SCLY: variants seen among roughly 807,000 people sequenced by gnomAD.
The protein encoded by SCLY is selenocysteine lyase, also known as putative selenocysteine lyase.
Under a neutral mutation model 50.1 loss-of-function variants are expected in SCLY, and 38 were observed. That is an observed-to-expected ratio of 0.76 (90% CI 0.59 to 0.99). The LOEUF (loss-of-function observed/expected upper bound fraction) is 0.99. Among genes scored for constraint, SCLY ranks in the 50% least tolerant of loss-of-function variants. SCLY has a pLI of 0.00. For missense variants in SCLY, 600 were observed against 620.0 expected, an observed-to-expected ratio of 0.97 and a Z score of 0.34; for synonymous variants, 243 against 249.4, an observed-to-expected ratio of 0.97 and a Z score of 0.24.
At position 238,064,592 on chromosome 2, in the gene SCLY, T is replaced by G. The variant is rs1043733002; in HGVS notation, c.202+123T>G. 23 of 541,356 alleles carry G rather than the reference T, an allele frequency of 4.2e-5. No homozygotes were observed. In the Admixed American group the frequency reaches 4.4e-4, roughly 10 times the overall value. 33.5% of individuals were successfully genotyped at this position (541,356 alleles called of 1,614,324 possible). A position where few individuals can be genotyped will look rare whatever the true frequency, so the allele number is the denominator to read the frequency against. ...ATAGGTTTCTGTTAGCTGCAATTCT[T>G]GAGCTGTAATTTTTGATAGTTTCTT... On this transcript the variant is annotated intron_variant, in intron 2 of 11. Transcript: ENST00000254663.
chr2:238,073,354 A>G (rs989590962), intron 4 of SCLY, among the ~76,000 whole-genome samples: 4 of 152,214 alleles, frequency 2.6e-5, no homozygotes, highest in African/African-American at 7.2e-5. Context: ...TTGACATCTC[A>G]AAAGAATTTT....
At chr2:238,096,483 C>T (rs777049711) in intron 10 of SCLY, among the ~76,000 whole-genome samples, 3 of 152,220 alleles carry the variant, frequency 2.0e-5, no homozygotes, top group East Asian at 3.8e-4. Context: ...GTGATATTGC[C>T]GGGGCTGCCA....
In SCLY at chr2:238,066,220, T is replaced by C. The variant is rs1173119894; in HGVS notation, c.202+1751T>C. Among the ~76,000 whole-genome samples the C allele has an allele frequency of 3.7e-4, 57 of 152,356 alleles. No homozygotes were observed. The highest frequency in any genetic ancestry group is 8.8e-5 in the Non-Finnish European group (6 of 68,034). ...CTCTTTACTGCCTGTTGCTGGAAGATAGCTGGCGCTCATACCTCCCCGTCC... is the reference window on the plus strand; with the variant it reads ...CTCTTTACTGCCTGTTGCTGGAAGACAGCTGGCGCTCATACCTCCCCGTCC... On this transcript the variant is annotated intron_variant, in intron 2 of 11. Transcript: ENST00000254663. The surrounding 1 kb of genome is among the most constrained non-coding windows in gnomAD (Gnocchi z 4.1).
chr2:238,096,974 G>A (rs2065444249), intron 11 of SCLY, 98 bp downstream of exon 11: 1 of 1,205,972 alleles, frequency 8.3e-7, no homozygotes, highest in Non-Finnish European at 1.1e-6. Flanking sequence ...GCCGCACTCT[G>A]GCTGGTGAAG....
Position 238,066,242 on chromosome 2 carries a change from G to A in SCLY, c.202+1773G>A, listed in dbSNP as rs971272041. Reference sequence around the variant, plus strand: ...AGATAGCTGGCGCTCATACCTCCCCGTCCAGCCCACTGCAGTCACATCATA... The same window carrying A: ...AGATAGCTGGCGCTCATACCTCCCCATCCAGCCCACTGCAGTCACATCATA... On this transcript the variant is annotated intron_variant, in intron 2 of 11. Transcript: ENST00000254663. This position sits in a 1 kb window ranked among gnomAD's most constrained non-coding sequence, Gnocchi z 4.1. Among the ~76,000 whole-genome samples the A allele has an allele frequency of 6.6e-6, 1 of 152,126 alleles. No individual in the cohort carries two copies. Among genetic ancestry groups the A allele is most frequent in the East Asian group, 1.9e-4 (1 of 5,198 alleles).
chr2:238,081,755 G>A lies in SCLY; in HGVS notation c.531G>A (p.Val177=). 6.2e-7 allele frequency: 1 copy of A among 1,614,228 alleles called. No homozygotes were observed. The highest frequency in any genetic ancestry group is 8.5e-7 in the Non-Finnish European group (1 of 1,180,036). ...PVSKVSGQAE[V]DDILAAVRPT... ...CCAAGGTGAGCGGGCAGGCAGAGGTGGACGACATCCTCGCGGCAGTCCGCC... is the reference window on the plus strand; with the variant it reads ...CCAAGGTGAGCGGGCAGGCAGAGGTAGACGACATCCTCGCGGCAGTCCGCC... Residue 177 remains valine, a synonymous_variant, in exon 5 of 12, where the codon GTG becomes GTA. Transcript: ENST00000254663.
chr2:238,097,550 T>C (rs1454049669), intron 11 of SCLY, among the ~76,000 whole-genome samples: 1 of 151,808 alleles, frequency 6.6e-6, no homozygotes, highest in East Asian at 1.9e-4. Flanking sequence ...AGAGGGATTG[T>C]GCAGGAGCAC....
chr2:238,084,590 C>CAAAAAAA (rs539648649), intron 7 of SCLY, among the ~76,000 whole-genome samples: 3 of 44,704 alleles, frequency 6.7e-5, no homozygotes, highest in Non-Finnish European at 7.4e-5. Flanking sequence ...GACTCTGTCT[C>CAAAAAAA]AAAAAAAAAA....
intron 4 of SCLY, among the ~76,000 whole-genome samples, chr2:238,071,935 C>T (rs898735688): frequency 3.3e-5 from 5 of 152,008 alleles, no homozygotes; most frequent in Admixed American, 2.0e-4. Context: ...TTAGTGTGCT[C>T]ACCAGGTTGT....
At chr2:238,082,396 G>A (rs530968572) in intron 6 of SCLY, among the ~76,000 whole-genome samples, 187 bp downstream of exon 6, 3 of 152,312 alleles carry the variant, frequency 2.0e-5, no homozygotes, top group Admixed American at 2.0e-4. Context: ...ATGCCAGGAC[G>A]AATGCCATGG....
At chr2:238,071,377 C>G (rs1347475222) in intron 4 of SCLY, among the ~76,000 whole-genome samples, 6 of 152,136 alleles carry the variant, frequency 3.9e-5, no homozygotes, top group Non-Finnish European at 2.9e-5. Context: ...GAGGCTGAGG[C>G]GGACAGATCA....
In SCLY at chr2:238,085,859, G is replaced by A. The variant is rs532093604; in HGVS notation, c.884+2505G>A. ...CTGAAAAAGTGCTTGAAGAAATAAT[G>A]GCTAAAAAATTTCCTGAATTTGGCA... On this transcript the variant is annotated intron_variant, in intron 7 of 11. Transcript: ENST00000254663. Among the ~76,000 whole-genome samples, 6 of 152,242 alleles carry A rather than the reference G, an allele frequency of 3.9e-5. No homozygotes were observed. The South Asian group carries it at 1.2e-3, about 32-fold the overall frequency.
chr2:238,091,547 C>CT, intron 8 of SCLY: 4 of 412,374 alleles, frequency 9.7e-6, no homozygotes, highest in South Asian at 5.0e-5. Flanking sequence ...GCTGCAGGTT[C>CT]ACCATTCCCA....
intron 4 of SCLY, among the ~76,000 whole-genome samples, chr2:238,071,097 G>A (rs2065122812): frequency 6.6e-6 from 1 of 152,060 alleles, no homozygotes; most frequent in African/African-American, 2.4e-5. Flanking sequence ...CTCCCAAAGT[G>A]CTGGGATTAC....
Position 238,067,973 on chromosome 2 carries a change from C to T in SCLY, c.203-92C>T. 1.1e-6 allele frequency: 1 copy of T among 898,162 alleles called. No individual in the cohort carries two copies. Among genetic ancestry groups the T allele is most frequent in the Admixed American group, 2.4e-5 (1 of 42,428 alleles). The allele number at this position is 898,162 out of a possible 1,614,324, so 55.6% of individuals were successfully genotyped here. A position where few individuals can be genotyped will look rare whatever the true frequency, so the allele number is the denominator to read the frequency against. ...TTTGTCTTAGAACGGCCCACGCAGA[C>T]CTCTTATTCCTTTGTATTTGGTTGT... On this transcript the variant is annotated intron_variant, in intron 2 of 11. Coordinates refer to ENST00000254663, the MANE Select transcript of SCLY (RefSeq NM_016510.7). This position sits in a 1 kb window ranked among gnomAD's most constrained non-coding sequence, Gnocchi z 4.3.
At chr2:238,094,603 C>G in intron 10 of SCLY, 81 bp downstream of exon 10, 1 of 1,189,784 alleles carries the variant, frequency 8.4e-7, no homozygotes, top group South Asian at 1.2e-5. Flanking sequence ...CCAGTGACTC[C>G]CACTCGCCCT....
intron 8 of SCLY, chr2:238,091,945 C>CAG: frequency 6.5e-6 from 1 of 152,790 alleles, no homozygotes; most frequent in Non-Finnish European, 1.5e-5. Flanking sequence ...GCCATGTCGG[C>CAG]CTCAGTATCC....
At position 238,097,029 on chromosome 2, in the gene SCLY, T is replaced by C. The variant is rs539807319; in HGVS notation, c.1184+153T>C. ...TAGGAGGGGCAGAGGGAGGGCTTCC[T>C]GGAAGAAGTGACTTCCAAGCTGCCA... is the stretch of plus-strand genomic sequence containing the variant. On this transcript the variant is annotated intron_variant, in intron 11 of 11. Coordinates refer to ENST00000254663, the MANE Select transcript of SCLY (RefSeq NM_016510.7). Among the ~76,000 whole-genome samples the C allele has an allele frequency of 3.9e-5, 6 of 152,264 alleles. 1 individual carries two copies. In the East Asian group the frequency reaches 1.2e-3, roughly 29 times the overall value.
Position 238,094,590 on chromosome 2 carries a change from G to A in SCLY, c.1108+68G>A, listed in dbSNP as rs766987794. On this transcript the variant is annotated intron_variant, in intron 10 of 11. Coordinates refer to ENST00000254663, the MANE Select transcript of SCLY (RefSeq NM_016510.7). ...TCCCTCGGTGCGTGGATTCTGGTCC[G>A]AGCCAGTGACTCCCACTCGCCCTGC... 20 of 1,333,494 alleles carry A rather than the reference G, an allele frequency of 1.5e-5. No individual in the cohort carries two copies. The East Asian group carries it at 1.6e-4, about 11-fold the overall frequency. The allele number at this position is 1,333,494 out of a possible 1,614,324, so 82.6% of individuals were successfully genotyped here. A position where few individuals can be genotyped will look rare whatever the true frequency, so the allele number is the denominator to read the frequency against.
Sources: allele counts gnomAD v4.1 joint callset (sites outside exome capture counted in the v4.1 genomes callset), GRCh38; gene constraint gnomAD v4.1.1; non-coding constraint Gnocchi (gnomAD v3.1); transcripts MANE v1.5; gene names NCBI Gene and HGNC (gene_info 2026-07-23, HGNC 2026-07-21).